Variants in GRID1 observed in about 807,000 individuals in gnomAD.
GRID1 encodes the protein glutamate ionotropic receptor delta type subunit 1, also known as glutamate receptor ionotropic, delta-1.
A neutral mutation model predicts 98.0 loss-of-function variants in GRID1; 28 were observed. The observed-to-expected ratio is 0.29, with a 90% CI of 0.21 to 0.39. The LOEUF is 0.39. Among genes scored for constraint, GRID1 ranks in the 10% least tolerant of loss-of-function variants. The pLI is 1.00. For synonymous variants in GRID1, 553 were observed against 538.5 expected (o/e 1.03, Z -0.37); for missense variants, 1,111 against 1,340.5 (o/e 0.83, Z 2.67).
intron 3 of GRID1, among the ~76,000 whole-genome samples, chr10:86,183,302 A>G (rs1489880994): frequency 6.6e-6 from 1 of 152,020 alleles, no homozygotes; most frequent in Non-Finnish European, 1.5e-5. Flanking sequence ...ATTCCATTTT[A>G]TTGCTGAGTA....
At chr10:85,605,204 A>G (rs893221938) in intron 15 of GRID1, among the ~76,000 whole-genome samples, 1 of 152,222 alleles carries the variant, frequency 6.6e-6, no homozygotes, top group Non-Finnish European at 1.5e-5. Flanking sequence ...CTGTGGATAC[A>G]GTGTCATCTG....
In GRID1 at chr10:86,129,989, G is replaced by A. The variant is rs189765572; in HGVS notation, c.726+8830C>T. On this transcript the variant is annotated intron_variant, in intron 4 of 15. Coordinates refer to ENST00000327946, the MANE Select transcript of GRID1 (RefSeq NM_017551.3). ...CTCACACTTGGTCTCCTGGAACTCC[G>A]CTGCTGCCACATGAATAAGCCTGGG... 6.6e-5 allele frequency among the ~76,000 whole-genome samples: 10 copies of A among 152,346 alleles called. No individual in the cohort carries two copies. In the South Asian group the frequency reaches 1.0e-3, roughly 16 times the overall value.
chr10:85,873,210 C>T (rs1843296100), intron 5 of GRID1, among the ~76,000 whole-genome samples: 1 of 152,242 alleles, frequency 6.6e-6, no homozygotes, highest in South Asian at 2.1e-4. Context: ...TACTATGAGA[C>T]ACCCCGACCT....
chr10:86,270,141 C>T (rs1295252745), intron 2 of GRID1, among the ~76,000 whole-genome samples: 2 of 152,118 alleles, frequency 1.3e-5, no homozygotes, highest in African/African-American at 2.4e-5. Flanking sequence ...TCTGAGCAGC[C>T]GAATCTTCTG....
intron 4 of GRID1, among the ~76,000 whole-genome samples, chr10:86,001,713 C>G (rs1367409749): frequency 6.6e-6 from 1 of 152,142 alleles, no homozygotes; most frequent in Non-Finnish European, 1.5e-5. Context: ...GTGGGAGATG[C>G]CTGACAATTA....
intron 12 of GRID1, among the ~76,000 whole-genome samples, chr10:85,705,908 A>G (rs1055440871): frequency 3.3e-5 from 5 of 152,246 alleles, no homozygotes; most frequent in African/African-American, 1.2e-4. Context: ...ATAAACTTCA[A>G]CAGCATTTCA....
rs1281007431 is a variant in GRID1, at chr10:85,865,934, TATATATATAC to T, written c.951+3066_951+3075del. 5.5e-4 allele frequency among the ~76,000 whole-genome samples: 61 copies of T among 111,546 alleles called. 3 individuals carry two copies. Among genetic ancestry groups the T allele is most frequent in the African/African-American group, 2.1e-3 (58 of 27,438 alleles). 73.2% of individuals were successfully genotyped at this position (111,546 alleles called of 152,430 possible). A position where few individuals can be genotyped will look rare whatever the true frequency, so the allele number is the denominator to read the frequency against. On this transcript the variant is annotated intron_variant, in intron 6 of 15. Coordinates refer to ENST00000327946, the MANE Select transcript of GRID1 (RefSeq NM_017551.3). ...ATACATATATATATATATATATATA[TATATATATAC>T]ACATATATATGGAGAGAGAGAGAGA... is the stretch of plus-strand genomic sequence containing the variant.
At chr10:86,336,199 A>G (rs1848218647) in intron 2 of GRID1, among the ~76,000 whole-genome samples, 1 of 152,230 alleles carries the variant, frequency 6.6e-6, no homozygotes, top group South Asian at 2.1e-4. Flanking sequence ...GTGTCTAAGA[A>G]GGAGATTGTT....
intron 2 of GRID1, among the ~76,000 whole-genome samples, chr10:86,241,868 G>C (rs986469478): frequency 1.3e-5 from 2 of 152,136 alleles, no homozygotes; most frequent in African/African-American, 2.4e-5. Flanking sequence ...AGAGCCCCGG[G>C]TATTTTGCTG....
chr10:86,039,009 C>T lies in GRID1; in HGVS notation c.726+99810G>A, dbSNP rs115283532. ...CTTTCCAAGCAGGTCAGAAATCCAC[C>T]CCTATTCTCTTCCACCTCTACGGTA... On this transcript the variant is annotated intron_variant, in intron 4 of 15. Transcript: ENST00000327946. Among the ~76,000 whole-genome samples, 996 of 152,250 alleles carry T rather than the reference C, an allele frequency of 6.5e-3. 13 individuals are homozygous for T. Among genetic ancestry groups the T allele is most frequent in the African/African-American group, 0.023 (946 of 41,540 alleles).
chr10:86,181,821 G>A lies in GRID1; in HGVS notation c.520+24543C>T, dbSNP rs1243767094. Among the ~76,000 whole-genome samples, 23 of 152,078 alleles carry A rather than the reference G, an allele frequency of 1.5e-4. 1 individual carries two copies. The highest frequency in any genetic ancestry group is 1.5e-3 in the Admixed American group (23 of 15,264). ...TTACTCAGTGGTACTTATCTTGTTG[G>A]CTTTCTTAGTTATTTATTCTCTGTC... is the stretch of plus-strand genomic sequence containing the variant. On this transcript the variant is annotated intron_variant, in intron 3 of 15. Transcript: ENST00000327946.
intron 13 of GRID1, among the ~76,000 whole-genome samples, chr10:85,644,440 T>C (rs1843161191): frequency 6.6e-6 from 1 of 152,242 alleles, no homozygotes; most frequent in Admixed American, 6.5e-5. Flanking sequence ...GTATATTTTA[T>C]ACATTTTTAA....
chr10:86,230,635 T>G (rs10887564), intron 2 of GRID1, among the ~76,000 whole-genome samples: 49,088 of 152,106 alleles, frequency 0.32, 8,210 homozygotes, highest in Non-Finnish European at 0.38. Flanking sequence ...CCTTTCAACA[T>G]TTTGTACTTT....
intron 10 of GRID1, among the ~76,000 whole-genome samples, chr10:85,725,303 T>A (rs959097084): frequency 1.3e-5 from 2 of 152,224 alleles, no homozygotes; most frequent in African/African-American, 4.8e-5. Flanking sequence ...TTTATTTCTA[T>A]CTTCCACCAC....
At chr10:85,650,527 G>C (rs1236819212) in intron 12 of GRID1, among the ~76,000 whole-genome samples, 1 of 152,186 alleles carries the variant, frequency 6.6e-6, no homozygotes, top group Non-Finnish European at 1.5e-5. Context: ...TGCACACCAA[G>C]CAAGGAATAC....
At chr10:85,719,412 T>C (rs1445788588) in intron 12 of GRID1, among the ~76,000 whole-genome samples, 2 of 152,142 alleles carry the variant, frequency 1.3e-5, no homozygotes, top group Non-Finnish European at 2.9e-5. Context: ...GATAAAGACA[T>C]ACCCAAAACT....
At chr10:85,778,758 A>T (rs1842355773) in intron 8 of GRID1, among the ~76,000 whole-genome samples, 1 of 152,224 alleles carries the variant, frequency 6.6e-6, no homozygotes, top group African/African-American at 2.4e-5. Flanking sequence ...CTTCTGAGCC[A>T]GCTTCCTGAA....
intron 4 of GRID1, among the ~76,000 whole-genome samples, chr10:85,988,165 A>C (rs1244342173): frequency 1.3e-5 from 2 of 152,080 alleles, no homozygotes; most frequent in African/African-American, 4.8e-5. Context: ...TGCTGGATTT[A>C]AGTGACCCCA....
chr10:85,838,843 C>G (rs1268009652), intron 8 of GRID1, among the ~76,000 whole-genome samples: 1 of 151,814 alleles, frequency 6.6e-6, no homozygotes, highest in Non-Finnish European at 1.5e-5. Flanking sequence ...CAATTAAGCA[C>G]AAGTGGCAAG....
Sources: allele counts gnomAD v4.1 joint callset (sites outside exome capture counted in the v4.1 genomes callset), GRCh38; gene constraint gnomAD v4.1.1; transcripts MANE v1.5; gene names NCBI Gene and HGNC (gene_info 2026-07-23, HGNC 2026-07-21).